The following FRY variants were observed in gnomAD, a reference collection of about 807,000 sequenced individuals.
FRY encodes FRY microtubule binding protein.
A neutral mutation model predicts 348.4 loss-of-function variants in FRY; 128 were observed. The ratio of observed to expected loss-of-function variants is 0.37; its 90% confidence interval spans 0.32 to 0.43. The LOEUF (loss-of-function observed/expected upper bound fraction) is 0.43. FRY is among the 20% of genes least tolerant of loss of function. The pLI is 1.00. For synonymous variants in FRY, 1,370 were observed against 1,374.7 expected (o/e 1.00, Z 0.08); for missense variants, 2,736 against 3,695.2 (o/e 0.74, Z 6.73).
chr13:32,161,334 A>T, intron 17 of FRY, 83 bp downstream of exon 17: 5 of 908,426 alleles, frequency 5.5e-6, no homozygotes, highest in Non-Finnish European at 9.3e-6. Flanking sequence ...GTAGTTTACA[A>T]TTAACAAATA....
At chr13:32,051,111 GATAC>G (rs1363919655) in intron 1 of FRY, among the ~76,000 whole-genome samples, 2 of 152,138 alleles carry the variant, frequency 1.3e-5, no homozygotes, top group Non-Finnish European at 2.9e-5. Context: ...CATTCATGTA[GATAC>G]ATACTTAATT....
chr13:32,218,605 G>T, intron 35 of FRY, 144 bp from the exon 36 acceptor site: 1 of 607,584 alleles, frequency 1.6e-6, no homozygotes, highest in Non-Finnish European at 3.0e-6. Context: ...CTTGAACCTG[G>T]AAGGCGGAGA....
At chr13:32,123,985 C>T (rs1332070678) in intron 4 of FRY, among the ~76,000 whole-genome samples, 3 of 152,108 alleles carry the variant, frequency 2.0e-5, no homozygotes, top group Non-Finnish European at 4.4e-5. Flanking sequence ...CAGGCATGGG[C>T]TACCATGCCA....
intron 3 of FRY, among the ~76,000 whole-genome samples, chr13:32,109,709 A>G (rs1309501706): frequency 1.3e-5 from 2 of 152,070 alleles, no homozygotes; most frequent in East Asian, 1.9e-4. Flanking sequence ...AGCAGAGGAA[A>G]CTATACTTGG....
At chr13:32,168,089 G>A (rs1357101256) in intron 17 of FRY, among the ~76,000 whole-genome samples, 2 of 152,168 alleles carry the variant, frequency 1.3e-5, no homozygotes, top group Non-Finnish European at 1.5e-5. Context: ...ATGTAGTTAT[G>A]GAGACTGGCA....
intron 3 of FRY, among the ~76,000 whole-genome samples, chr13:32,103,852 A>C (rs1877346889): frequency 6.6e-6 from 1 of 152,224 alleles, no homozygotes; most frequent in Non-Finnish European, 1.5e-5. Context: ...CTGTGGTCCC[A>C]GCTATTCAGG....
chr13:32,115,992 A>G, intron 3 of FRY, among the ~76,000 whole-genome samples: 1 of 152,086 alleles, frequency 6.6e-6, no homozygotes, highest in South Asian at 2.1e-4. Context: ...TTATATTTAT[A>G]TTAAAATATG....
intron 46 of FRY, among the ~76,000 whole-genome samples, chr13:32,241,300 A>G (rs866773397): frequency 1.3e-5 from 2 of 152,368 alleles, no homozygotes; most frequent in South Asian, 4.1e-4. Flanking sequence ...TGTACGTAGC[A>G]TATATATACA....
chr13:32,228,376 C>T (rs2138423768), intron 39 of FRY, 80 bp from the exon 40 acceptor site: 1 of 1,020,002 alleles, frequency 9.8e-7, no homozygotes, highest in Non-Finnish European at 1.6e-6. Context: ...CACTTCCCTG[C>T]CCTCCTCTGT....
chr13:32,218,710 C>A, intron 35 of FRY, 39 bp from the exon 36 acceptor site: 3 of 1,119,224 alleles, frequency 2.7e-6, no homozygotes, highest in Non-Finnish European at 4.0e-6. Context: ...CATATGCACA[C>A]ATGTTAATAT....
At chr13:32,068,169 G>T (rs779999684) in intron 1 of FRY, among the ~76,000 whole-genome samples, 1 of 151,816 alleles carries the variant, frequency 6.6e-6, no homozygotes, top group African/African-American at 2.4e-5. Context: ...AAAATTCAAG[G>T]TCTTGTCCAA....
At chr13:32,056,231 A>G (rs1388069841) in intron 1 of FRY, among the ~76,000 whole-genome samples, 1 of 151,660 alleles carries the variant, frequency 6.6e-6, no homozygotes, top group Non-Finnish European at 1.5e-5. Flanking sequence ...AATTTATCAG[A>G]GAATGGGTGA....
intron 19 of FRY, among the ~76,000 whole-genome samples, 178 bp downstream of exon 19, chr13:32,173,727 A>G (rs1882222978): frequency 6.6e-6 from 1 of 152,216 alleles, no homozygotes; most frequent in Non-Finnish European, 1.5e-5. Flanking sequence ...GATGTAAGTC[A>G]TATTTTCTAA....
At chr13:32,131,106 G>A (rs932129158) in intron 7 of FRY, among the ~76,000 whole-genome samples, 12 of 152,132 alleles carry the variant, frequency 7.9e-5, no homozygotes, top group African/African-American at 2.7e-4. Flanking sequence ...GAGCGCCACT[G>A]CGCCCGGCCT....
chr13:32,178,579 TA>T (rs550820515), intron 21 of FRY, 143 bp downstream of exon 21: 4 of 1,005,996 alleles, frequency 4.0e-6, no homozygotes, highest in Non-Finnish European at 5.9e-6. Flanking sequence ...GTAAAAACAT[TA>T]AAAAAATTTT....
chr13:32,218,242 G>A (rs1885112453), intron 35 of FRY, among the ~76,000 whole-genome samples: 1 of 152,168 alleles, frequency 6.6e-6, no homozygotes, highest in South Asian at 2.1e-4. Context: ...GTTTGGACTT[G>A]TGCTTATGAG....
Position 32,149,789 on chromosome 13 carries a change from T to G in FRY, c.1434T>G (p.Phe478Leu), listed in dbSNP as rs1204100643. 1 of 1,611,740 alleles carries G rather than the reference T, an allele frequency of 6.2e-7. No homozygotes were observed. The highest frequency in any genetic ancestry group is 1.1e-5 in the South Asian group (1 of 91,014). The change falls in exon 14 of 61, where the codon TTT becomes TTG. Residue 478 changes from phenylalanine to leucine, a missense_variant. By Grantham distance (22) the Phe-to-Leu change is conservative. This residue lies in a region of FRY where 191 missense variants were observed against 370.2 expected (regional missense o/e 0.52). Coordinates refer to ENST00000542859, the MANE Select transcript of FRY (RefSeq NM_023037.3). ...CAATGAAAGAAATCATTTTCGATTT[T>G]CTTTGTGTGGGAAAACCAGCAAAAG... ...DFAMKEIIFD[F>L]LCVGKPAKAF...
chr13:32,132,433 T>C (rs1181984265), intron 8 of FRY, among the ~76,000 whole-genome samples: 2 of 152,080 alleles, frequency 1.3e-5, no homozygotes, highest in Non-Finnish European at 2.9e-5. Flanking sequence ...ATGACCTTAC[T>C]AGAGGGTTTA....
chr13:32,195,455 A>G (rs774843508), intron 29 of FRY, among the ~76,000 whole-genome samples: 4 of 152,150 alleles, frequency 2.6e-5, no homozygotes, highest in Non-Finnish European at 4.4e-5. Flanking sequence ...TTTTGTTCAC[A>G]TGACCCTTTG....
Sources: allele counts gnomAD v4.1 joint callset (sites outside exome capture counted in the v4.1 genomes callset), GRCh38; gene constraint gnomAD v4.1.1; regional missense constraint gnomAD v4.1.1; transcripts MANE v1.5; gene names NCBI Gene and HGNC (gene_info 2026-07-23, HGNC 2026-07-21).